TCF7: variants seen among roughly 807,000 people sequenced by gnomAD.
TCF7 encodes the protein T-cell-factor-7.
In TCF7, 19 loss-of-function variants were observed where a neutral mutation model predicts 46.8. The ratio of observed to expected loss-of-function variants is 0.41; its 90% confidence interval spans 0.28 to 0.60. The LOEUF (loss-of-function observed/expected upper bound fraction) is 0.60, where lower values mean the gene tolerates loss of function less well. Ranked by LOEUF, TCF7 falls within the 20% of genes least tolerant of loss-of-function variation. The pLI is 0.35. For synonymous variants in TCF7, 245 were observed against 213.4 expected (o/e 1.15, Z -1.29); for missense variants, 547 against 504.6 (o/e 1.08, Z -0.81).
chr5:134,129,687 G>A (rs1339185332), intron 3 of TCF7, among the ~76,000 whole-genome samples: 1 of 152,244 alleles, frequency 6.6e-6, no homozygotes, highest in Non-Finnish European at 1.5e-5. Flanking sequence ...CACGCCACTC[G>A]GCTAAGTGGG....
chr5:134,131,163 T>G (rs1580846425), intron 3 of TCF7, among the ~76,000 whole-genome samples: 1 of 149,482 alleles, frequency 6.7e-6, no homozygotes, highest in African/African-American at 2.5e-5. Context: ...GAGCACAGAG[T>G]GAGAAGGGGA....
At chr5:134,114,330 A>T (rs1215581616), upstream of TCF7, among the ~76,000 whole-genome samples, 1 of 152,036 alleles carries the variant, frequency 6.6e-6, no homozygotes, top group Admixed American at 6.5e-5. Flanking sequence ...TGGGCACGAT[A>T]CAGTTCACAC....
intron 9 of TCF7, 135 bp from the exon 10 acceptor site, chr5:134,146,089 C>A: frequency 1.3e-6 from 2 of 1,596,034 alleles, no homozygotes; most frequent in Admixed American, 1.8e-5. Context: ...TCTGAGGACA[C>A]TGACTTACCA....
chr5:134,142,650 G>A (rs152402), intron 6 of TCF7, 71 bp from the exon 7 acceptor site: 286,148 of 1,575,400 alleles, frequency 0.18, 33,264 homozygotes, highest in Admixed American at 0.45. Context: ...CTAGGCCCAC[G>A]CTAGAGGAGG....
At chr5:134,134,711 T>C (rs1758614409) in intron 3 of TCF7, among the ~76,000 whole-genome samples, 1 of 152,052 alleles carries the variant, frequency 6.6e-6, no homozygotes, top group Non-Finnish European at 1.5e-5. Flanking sequence ...GGAGAGAAAA[T>C]GCAGCCCCAG....
chr5:134,121,236 G>A (rs1246227629), intron 3 of TCF7, among the ~76,000 whole-genome samples: 1 of 151,860 alleles, frequency 6.6e-6, no homozygotes, highest in Non-Finnish European at 1.5e-5. Context: ...CCTCAGTCAT[G>A]TAGAAGTCCT....
rs201667020 is a variant in TCF7 at position 134,139,054 on chromosome 5, A to G, written c.635+16A>G. 1,412 of 1,613,034 alleles carry G rather than the reference A, an allele frequency of 8.8e-4. 1 individual carries two copies. The highest frequency in any genetic ancestry group is 1.1e-3 in the Non-Finnish European group (1,280 of 1,179,802). ...CTGTGAGCTGGTGAGTGTGGGCCCA[A>G]TGGGAAAGGGGTACCGTGTGCTGGT... On this transcript the variant is annotated intron_variant, in intron 5 of 9. Transcript: ENST00000342854.
At chr5:134,120,740 C>T (rs1756458391) in intron 3 of TCF7, among the ~76,000 whole-genome samples, 1 of 152,258 alleles carries the variant, frequency 6.6e-6, no homozygotes, top group African/African-American at 2.4e-5. Flanking sequence ...GCCTTGCCAG[C>T]CCTGGCAACT....
Position 134,137,922 on chromosome 5 carries a change from G to C in TCF7, c.442-137G>C. On this transcript the variant is annotated intron_variant, in intron 3 of 9. Coordinates refer to ENST00000342854, the MANE Select transcript of TCF7 (RefSeq NM_003202.5). ...CGGGGTACTGGACACTGTGACTTGA[G>C]TGGTACCCCCTTCGCTGAGGCCTGT... is the stretch of plus-strand genomic sequence containing the variant. The C allele has an allele frequency of 4.6e-6, 3 of 652,468 alleles. No individual in the cohort carries two copies. In the South Asian group the frequency reaches 6.7e-5, roughly 15 times the overall value. 40.4% of individuals were successfully genotyped at this position (652,468 alleles called of 1,614,324 possible).
chr5:134,145,564 T>TG, intron 9 of TCF7: 2 of 665,606 alleles, frequency 3.0e-6, no homozygotes, highest in Non-Finnish European at 5.2e-6. Context: ...TAGAGGGTAC[T>TG]CCAGGCAGTA....
chr5:134,117,051 A>C (rs1409588265), intron 3 of TCF7, among the ~76,000 whole-genome samples: 1 of 152,258 alleles, frequency 6.6e-6, no homozygotes, highest in Non-Finnish European at 1.5e-5. Context: ...GAGCTGCTGC[A>C]TGCCAAGCCA....
chr5:134,116,021 G>A lies in TCF7; in HGVS notation c.429G>A (p.Pro143=). ...PPSGAGQHPQ[P]QPPLHKANQP... ...CGGGAGCAGGGCAGCACCCCCAGCC[G>A]CAGCCCCCGCTGGTAAGTGGACCCC... The change falls in exon 3 of 10, where the codon CCG becomes CCA. Residue 143 remains proline (P), a synonymous_variant. Coordinates refer to ENST00000342854, the MANE Select transcript of TCF7 (RefSeq NM_003202.5). 1.2e-6 allele frequency: 2 copies of A among 1,612,124 alleles called. No homozygotes were observed.
intron 3 of TCF7, 115 bp downstream of exon 3, chr5:134,116,148 G>A (rs1221038127): frequency 2.1e-6 from 3 of 1,452,636 alleles, no homozygotes; most frequent in Non-Finnish European, 2.7e-6. Flanking sequence ...TCCTGTGCTG[G>A]TCTTTTCTCC....
At chr5:134,145,037 C>A (rs189413978) in intron 9 of TCF7, 3 of 660,092 alleles carry the variant, frequency 4.5e-6, no homozygotes, top group Admixed American at 4.6e-5. Flanking sequence ...CTGAACACAG[C>A]GCGTGGAGAA....
intron 3 of TCF7, among the ~76,000 whole-genome samples, chr5:134,130,567 A>G (rs1020665028): frequency 6.6e-6 from 1 of 152,230 alleles, no homozygotes; most frequent in Non-Finnish European, 1.5e-5. Context: ...AATTAGCACA[A>G]ATGCCCCATG....
intron 9 of TCF7, chr5:134,144,978 C>T: frequency 1.0e-6 from 1 of 955,886 alleles, no homozygotes; most frequent in Non-Finnish European, 1.7e-6. Context: ...AGCCCACTAG[C>T]ATACTCAGCA....
intron 8 of TCF7, 36 bp downstream of exon 8, chr5:134,143,136 G>T (rs1238671325): frequency 4.5e-6 from 7 of 1,566,556 alleles, no homozygotes; most frequent in Admixed American, 1.9e-5. Flanking sequence ...GGGTGGGCAG[G>T]GGACCCTTTG....
chr5:134,142,188 C>A lies in TCF7; in HGVS notation c.639C>A (p.Phe213Leu), dbSNP rs1759900837. ...TTAACTTTCTTCCTGCCTCCAGGTT[C>A]ACCCACCCATCCTTGATGCTAGGTT... Reference protein sequence around the residue: ...MGQLPHTVSWFTHPSLMLGSG... With the variant: ...MGQLPHTVSWLTHPSLMLGSG... The change falls in exon 6 of 10, where the codon TTC (phenylalanine) becomes TTA (leucine). Residue 213 changes from phenylalanine (F) to leucine (L), a missense_variant. Coordinates refer to ENST00000342854, the MANE Select transcript of TCF7 (RefSeq NM_003202.5). The A allele has an allele frequency of 1.9e-6, 3 of 1,613,922 alleles. No homozygotes were observed. The highest frequency in any genetic ancestry group is 1.3e-5 in the African/African-American group (1 of 74,916).
chr5:134,117,573 A>G (rs979085132), intron 3 of TCF7, among the ~76,000 whole-genome samples: 11 of 152,150 alleles, frequency 7.2e-5, no homozygotes, highest in Admixed American at 1.3e-4. Flanking sequence ...AGGTCATCTC[A>G]TGGTGTGGGC....
Sources: gnomAD v4.1 joint callset for allele counts (sites outside exome capture counted in the v4.1 genomes callset) on GRCh38, gnomAD v4.1.1 for gene constraint, MANE v1.5 for transcripts, NCBI Gene and HGNC (gene_info 2026-07-23, HGNC 2026-07-21) for gene names.